Variants in ELK3 observed in about 807,000 individuals in gnomAD.
ELK3 encodes ETS transcription factor ELK3, also known as ETS domain-containing protein Elk-3.
In ELK3, 10 loss-of-function variants were observed where a neutral mutation model predicts 28.9. The ratio of observed to expected loss-of-function variants is 0.35; its 90% CI spans 0.21 to 0.59. ELK3 has a LOEUF of 0.59. Among genes scored for constraint, ELK3 ranks in the 20% least tolerant of loss-of-function variants. ELK3 has a pLI of 0.82. For synonymous variants in ELK3, 272 were observed against 243.5 expected (o/e 1.12, Z -1.09); for missense variants, 463 against 517.3 (o/e 0.90, Z 1.02).
Position 96,249,207 on chromosome 12 carries a change from T to C in ELK3, c.1002+1473T>C, listed in dbSNP as rs1951882990. Among the ~76,000 whole-genome samples, 3 of 152,194 alleles carry C rather than the reference T, an allele frequency of 2.0e-5. No individual in the cohort carries two copies. The South Asian group carries it at 6.2e-4, about 32-fold the overall frequency. On this transcript the variant is annotated intron_variant, in intron 3 of 4. Coordinates refer to ENST00000228741, the MANE Select transcript of ELK3 (RefSeq NM_005230.4). The stretch of plus-strand genomic sequence containing the variant: ...ATCCAGTGTCTGCCTCCAGAATCCA[T>C]GCTCTCAAATGAAATGCATTCCCGC...
At position 96,247,498 on chromosome 12, in the gene ELK3, C is replaced by T. The variant is rs1341219780; in HGVS notation, c.766C>T (p.His256Tyr). The T allele has an allele frequency of 1.2e-6, 2 of 1,614,072 alleles. No individual in the cohort carries two copies. The highest frequency in any genetic ancestry group is 1.7e-6 in the Non-Finnish European group (2 of 1,180,020). Residue 256 changes from histidine (H) to tyrosine (Y), a missense_variant, in exon 3 of 5, where the codon CAC becomes TAC. Coordinates refer to ENST00000228741, the MANE Select transcript of ELK3 (RefSeq NM_005230.4). This position sits in a 1 kb window ranked among gnomAD's most constrained non-coding sequence, Gnocchi z 5.5. ...LSPNSPLPSE[H>Y]RSLFLEAACH... is the part of the protein sequence containing the mutation. ...CCCCAACTCACCCCTCCCTTCTGAACACAGAAGCCTCTTCCTGGAGGCCGC... is the reference window on the plus strand; with the variant it reads ...CCCCAACTCACCCCTCCCTTCTGAATACAGAAGCCTCTTCCTGGAGGCCGC...
At chr12:96,242,346 C>G (rs1409429390) in intron 2 of ELK3, among the ~76,000 whole-genome samples, 2 of 152,208 alleles carry the variant, frequency 1.3e-5, no homozygotes, top group African/African-American at 4.8e-5. Context: ...CGAGCCTCAG[C>G]TTGCTTATCT....
chr12:96,256,782 G>T (rs2268505), intron 3 of ELK3, among the ~76,000 whole-genome samples: 69,943 of 152,038 alleles, frequency 0.46, 17,290 homozygotes, highest in South Asian at 0.62. Context: ...AAGTGTCCTT[G>T]GAGGAGGTGG....
chr12:96,228,444 A>AAAAAAAAAAAAG (rs1951720217), intron 2 of ELK3, among the ~76,000 whole-genome samples: 1 of 142,540 alleles, frequency 7.0e-6, no homozygotes, highest in African/African-American at 2.6e-5. Flanking sequence ...AAAAAAAAAA[A>AAAAAAAAAAAAG]GAAGATCAAA....
intron 2 of ELK3, among the ~76,000 whole-genome samples, chr12:96,228,797 A>C (rs754153678): frequency 1.2e-4 from 18 of 152,176 alleles, no homozygotes; most frequent in Non-Finnish European, 2.1e-4. Flanking sequence ...CCTCGAGGTT[A>C]AGAGTCCAGC....
At chr12:96,235,257 G>T (rs1951773838) in intron 2 of ELK3, among the ~76,000 whole-genome samples, 1 of 130,154 alleles carries the variant, frequency 7.7e-6, no homozygotes, top group South Asian at 2.4e-4. Flanking sequence ...TGCCCTTCTT[G>T]CCTGGCTCAC....
intron 1 of ELK3, among the ~76,000 whole-genome samples, chr12:96,205,856 C>T (rs1263085331): frequency 6.6e-6 from 1 of 152,172 alleles, no homozygotes; most frequent in East Asian, 1.9e-4. Context: ...AGCCACTTGG[C>T]GTTTCTGTCC....
At position 96,267,984 on chromosome 12, in the gene ELK3, G is replaced by T. The variant is rs981964990; in HGVS notation, c.*804G>T. 1.3e-5 allele frequency: 2 copies of T among 152,166 alleles called. No homozygotes were observed. Among genetic ancestry groups the T allele is most frequent in the African/African-American group, 4.8e-5 (2 of 41,438 alleles). The allele number at this position is 152,166 out of a possible 1,614,324, so 9.4% of individuals were successfully genotyped here. A position where few individuals can be genotyped will look rare whatever the true frequency, so the allele number is the denominator to read the frequency against. On this transcript the variant is annotated 3_prime_UTR_variant, in exon 5 of 5. Coordinates refer to ENST00000228741, the MANE Select transcript of ELK3 (RefSeq NM_005230.4). Reference sequence around the variant, plus strand: ...CAAGTTCATGCTATTCCAGGCCCAAGAATATCTCCTAGGTTAGCATATTCT... The same window carrying T: ...CAAGTTCATGCTATTCCAGGCCCAATAATATCTCCTAGGTTAGCATATTCT...
chr12:96,209,157 A>G (rs1951559433), intron 1 of ELK3, among the ~76,000 whole-genome samples: 1 of 152,232 alleles, frequency 6.6e-6, no homozygotes, highest in African/African-American at 2.4e-5. Context: ...GGCCATTTGT[A>G]AGCACAACAG....
chr12:96,199,513 T>TGA (rs35019699), intron 1 of ELK3, among the ~76,000 whole-genome samples: 2 of 150,960 alleles, frequency 1.3e-5, no homozygotes, highest in African/African-American at 2.4e-5. Context: ...TGTGTGTGTG[T>TGA]GACCTTCTGT....
At position 96,194,394 on chromosome 12, in the gene ELK3, C is replaced by G. The variant is rs1157791436; in HGVS notation, c.-314C>G. ...GGAGGCGCGGGCCTGGGCGGCCAGC[C>G]CCGGCGCACAGCCGCGGCCGGGGCG... On this transcript the variant is annotated 5_prime_UTR_variant, in exon 1 of 5. Coordinates refer to ENST00000228741, the MANE Select transcript of ELK3 (RefSeq NM_005230.4). 1.8e-4 allele frequency: 26 copies of G among 146,196 alleles called. No individual in the cohort carries two copies. Among genetic ancestry groups the G allele is most frequent in the Non-Finnish European group, 2.9e-4 (19 of 65,842 alleles). The allele number at this position is 146,196 out of a possible 1,614,324, so 9.1% of individuals were successfully genotyped here.
intron 1 of ELK3, among the ~76,000 whole-genome samples, chr12:96,205,626 G>C (rs981274985): frequency 1.3e-5 from 2 of 152,142 alleles, no homozygotes; most frequent in Non-Finnish European, 2.9e-5. Flanking sequence ...TTACAGGCTT[G>C]AGCCACTACA....
At chr12:96,239,260 A>G (rs1372287306) in intron 2 of ELK3, among the ~76,000 whole-genome samples, 1 of 152,228 alleles carries the variant, frequency 6.6e-6, no homozygotes, top group East Asian at 1.9e-4. Context: ...AGTAGAAAAC[A>G]TATAAATATA....
chr12:96,207,006 GACTGTTAAGTTTTGAAATCACTC>G (rs1267398286), intron 1 of ELK3, among the ~76,000 whole-genome samples: 1 of 152,206 alleles, frequency 6.6e-6, no homozygotes, highest in Non-Finnish European at 1.5e-5. Flanking sequence ...ATTATGAGAA[GACTGTTAAGTTTTGAAATCACTC>G]ACTGTCTTAT....
chr12:96,244,274 T>C (rs1158950472), intron 2 of ELK3, among the ~76,000 whole-genome samples: 2 of 152,122 alleles, frequency 1.3e-5, no homozygotes, highest in Non-Finnish European at 2.9e-5. Context: ...ATGTTCTTTT[T>C]AACACAGCAA....
chr12:96,205,381 C>T (rs1220976425), intron 1 of ELK3, among the ~76,000 whole-genome samples: 1 of 152,170 alleles, frequency 6.6e-6, no homozygotes, highest in Admixed American at 6.5e-5. Context: ...AATTCGTGAG[C>T]ACTGGGAGGC....
chr12:96,206,591 G>A (rs528236710), intron 1 of ELK3, among the ~76,000 whole-genome samples: 2 of 152,116 alleles, frequency 1.3e-5, no homozygotes, highest in East Asian at 1.9e-4. Context: ...TGTGAGCCAC[G>A]ATTTTCTTTC....
chr12:96,227,355 C>A (rs1951709940), intron 2 of ELK3, among the ~76,000 whole-genome samples: 1 of 152,166 alleles, frequency 6.6e-6, no homozygotes, highest in Admixed American at 6.5e-5. Flanking sequence ...TCTCTTCTGT[C>A]CTTTGCTAGC....
In ELK3 at chr12:96,267,297, T is replaced by A. The variant is rs1952041894; in HGVS notation, c.*117T>A. The A allele has an allele frequency of 2.5e-6, 2 of 796,164 alleles. 1 individual carries two copies. Among genetic ancestry groups the A allele is most frequent in the Non-Finnish European group, 3.9e-6 (2 of 512,780 alleles). 49.3% of individuals were successfully genotyped at this position (796,164 alleles called of 1,614,324 possible). On this transcript the variant is annotated 3_prime_UTR_variant, in exon 5 of 5. Transcript: ENST00000228741. ...AAACTCTTGTTAATTTGGTTTGCAC[T>A]TTTCATAACATGGATAGTCTAGATT...
Sources: gnomAD v4.1 joint callset for allele counts (sites outside exome capture counted in the v4.1 genomes callset) on GRCh38, gnomAD v4.1.1 for gene constraint, Gnocchi (gnomAD v3.1) non-coding constraint, MANE v1.5 for transcripts, NCBI Gene and HGNC (gene_info 2026-07-23, HGNC 2026-07-21) for gene names.